TRAPPC9: variants seen among roughly 807,000 people sequenced by gnomAD.
TRAPPC9 encodes the protein trafficking protein particle complex subunit 9.
A neutral mutation model predicts 124.0 loss-of-function variants in TRAPPC9; 83 were observed. The observed-to-expected ratio is 0.67, with a 90% CI of 0.56 to 0.80. TRAPPC9 has a LOEUF of 0.80. Ranked by LOEUF, TRAPPC9 falls within the 30% of genes least tolerant of loss-of-function variation. TRAPPC9 has a pLI of 0.00. For missense variants in TRAPPC9, 1,302 were observed against 1,508.3 expected (o/e 0.86, Z 2.27); for synonymous variants, 638 against 617.5 (o/e 1.03, Z -0.49).
Position 140,305,974 on chromosome 8 carries a change from T to A in TRAPPC9, c.1622+5274A>T, listed in dbSNP as rs1409602741. Among the ~76,000 whole-genome samples the A allele has an allele frequency of 2.0e-5, 3 of 152,316 alleles. No individual in the cohort carries two copies. In the East Asian group the frequency reaches 5.8e-4, roughly 29 times the overall value. ...AGCCAGTGGCTTTTCCAATTTTACA[T>A]GAAGGGGGTTTATTGGTGCTTGGCA... On this transcript the variant is annotated intron_variant, in intron 10 of 22. Transcript: ENST00000438773.
intron 15 of TRAPPC9, among the ~76,000 whole-genome samples, chr8:140,258,725 A>G (rs1243701689): frequency 6.6e-6 from 1 of 152,360 alleles, no homozygotes; most frequent in East Asian, 1.9e-4. Flanking sequence ...TCAATTCAGG[A>G]TAGAATGGGA....
intron 15 of TRAPPC9, among the ~76,000 whole-genome samples, chr8:140,272,250 G>C (rs932775421): frequency 3.4e-5 from 5 of 145,176 alleles, no homozygotes; most frequent in Non-Finnish European, 7.5e-5. Context: ...GTGGGGGTGG[G>C]GGTTGGGGTG....
intron 5 of TRAPPC9, among the ~76,000 whole-genome samples, chr8:140,423,576 G>GCATACACACA (rs1185198296): frequency 9.2e-5 from 7 of 75,970 alleles, no homozygotes; most frequent in African/African-American, 1.6e-4. Context: ...ACAAAATGTG[G>GCATACACACA]CATACACACA....
intron 9 of TRAPPC9, among the ~76,000 whole-genome samples, chr8:140,341,684 A>C (rs548276321): frequency 6.6e-6 from 1 of 152,300 alleles, no homozygotes; most frequent in Admixed American, 6.5e-5. Flanking sequence ...CATGGGAAAA[A>C]AAAAAAAAAA....
At chr8:140,199,286 G>A (rs2062734892) in intron 17 of TRAPPC9, among the ~76,000 whole-genome samples, 1 of 152,122 alleles carries the variant, frequency 6.6e-6, no homozygotes, top group Non-Finnish European at 1.5e-5. Context: ...TTCTTAGCTG[G>A]TAAACCACAC....
intron 17 of TRAPPC9, among the ~76,000 whole-genome samples, chr8:140,107,133 A>G (rs2060681319): frequency 6.6e-6 from 1 of 152,174 alleles, no homozygotes; most frequent in South Asian, 2.1e-4. Flanking sequence ...AAGGACCACC[A>G]TACTACAGGC....
upstream of TRAPPC9, chr8:140,458,355 C>A: frequency 6.3e-7 from 1 of 1,593,058 alleles, no homozygotes; most frequent in East Asian, 2.3e-5. Flanking sequence ...CGGAAGCCCA[C>A]TGTGGATCCC....
chr8:139,989,217 C>G (rs1304830413), intron 18 of TRAPPC9, among the ~76,000 whole-genome samples: 1 of 152,222 alleles, frequency 6.6e-6, no homozygotes, highest in Non-Finnish European at 1.5e-5. Flanking sequence ...CACAGGCATA[C>G]AGTGCCATTC....
intron 16 of TRAPPC9, among the ~76,000 whole-genome samples, chr8:140,238,746 C>A (rs989681469): frequency 6.6e-6 from 1 of 152,344 alleles, no homozygotes; most frequent in South Asian, 2.1e-4. Context: ...CAACAATGCG[C>A]CCCTCTTGTG....
At chr8:139,852,077 G>A (rs979990457) in intron 21 of TRAPPC9, among the ~76,000 whole-genome samples, 6 of 152,172 alleles carry the variant, frequency 3.9e-5, no homozygotes, top group African/African-American at 1.2e-4. Context: ...CGCTGTTCTC[G>A]TGATAGTGAG....
chr8:140,287,483 A>G, intron 13 of TRAPPC9, 125 bp downstream of exon 13: 1 of 1,316,014 alleles, frequency 7.6e-7, no homozygotes, highest in South Asian at 1.2e-5. Context: ...CAAAGAGACA[A>G]GGTCTTCATT....
intron 21 of TRAPPC9, among the ~76,000 whole-genome samples, chr8:139,865,311 A>G (rs1345122008): frequency 2.0e-5 from 3 of 152,246 alleles, no homozygotes; most frequent in Admixed American, 1.3e-4. Context: ...AACACGCCTG[A>G]GGACTCCTTG....
intron 21 of TRAPPC9, among the ~76,000 whole-genome samples, chr8:139,741,607 C>T (rs1000007366): frequency 1.6e-4 from 24 of 152,112 alleles, no homozygotes; most frequent in Admixed American, 1.2e-3. Flanking sequence ...GACCACAGCC[C>T]GTTTTCGAAC....
At chr8:140,245,898 A>G (rs2063974081) in intron 16 of TRAPPC9, among the ~76,000 whole-genome samples, 1 of 152,166 alleles carries the variant, frequency 6.6e-6, no homozygotes, top group Non-Finnish European at 1.5e-5. Flanking sequence ...GTCTCGACTC[A>G]TTAATCTATT....
At chr8:140,419,428 C>CA (rs61155157) in intron 5 of TRAPPC9, among the ~76,000 whole-genome samples, 957 of 79,518 alleles carry the variant, frequency 0.012, 44 homozygotes, top group Non-Finnish European at 0.017. Context: ...GACTCCGTCT[C>CA]AAAAAAAAAA....
At chr8:140,329,945 G>A (rs1051181655) in intron 9 of TRAPPC9, among the ~76,000 whole-genome samples, 1 of 151,932 alleles carries the variant, frequency 6.6e-6, no homozygotes, top group Non-Finnish European at 1.5e-5. Flanking sequence ...CCAGGTGCTG[G>A]TGGGCACCTG....
At chr8:140,033,344 G>A (rs780447755) in intron 17 of TRAPPC9, among the ~76,000 whole-genome samples, 35 of 152,272 alleles carry the variant, frequency 2.3e-4, no homozygotes, top group South Asian at 1.2e-3. Flanking sequence ...TTCTACAAAC[G>A]ATGGTGGAAC....
At chr8:140,456,775 G>A (rs1319519559) in intron 1 of TRAPPC9, 3 of 985,114 alleles carry the variant, frequency 3.0e-6, no homozygotes, top group Non-Finnish European at 3.6e-6. Context: ...CGTGAGGGAT[G>A]GAAGGGAAGT....
rs376451832 is a variant in TRAPPC9 at position 140,162,330 on chromosome 8, G to T, written c.2556+59129C>A. 3.3e-5 allele frequency among the ~76,000 whole-genome samples: 5 copies of T among 152,206 alleles called. No individual in the cohort carries two copies. The East Asian group carries it at 9.7e-4, about 29-fold the overall frequency. On this transcript the variant is annotated intron_variant, in intron 17 of 22. Coordinates refer to ENST00000438773, the MANE Select transcript of TRAPPC9 (RefSeq NM_001160372.4). ...GCTCGTGTTTGCCCCAAACCAGCAC[G>T]TGGTGTCAGCCCCCTGCTTCTCCAC...
Sources: gnomAD v4.1 joint callset for allele counts (sites outside exome capture counted in the v4.1 genomes callset) on GRCh38, gnomAD v4.1.1 for gene constraint, MANE v1.5 for transcripts, NCBI Gene and HGNC (gene_info 2026-07-23, HGNC 2026-07-21) for gene names.